ST7: variants seen among roughly 807,000 people sequenced by gnomAD.
ST7 encodes the protein suppressor of tumorigenicity 7 protein.
Under a neutral mutation model 78.7 loss-of-function variants are expected in ST7, and 28 were observed. The ratio of observed to expected loss-of-function variants is 0.36; its 90% CI spans 0.26 to 0.49. ST7 has a LOEUF of 0.49. Ranked by LOEUF, ST7 falls within the 20% of genes least tolerant of loss-of-function variation. ST7 has a pLI of 0.99. For missense variants in ST7, 418 were observed against 696.0 expected, an observed-to-expected ratio of 0.60 and a Z score of 4.49; for synonymous variants, 247 against 249.6, an observed-to-expected ratio of 0.99 and a Z score of 0.10.
At position 117,148,614 on chromosome 7, in the gene ST7, T is replaced by C. The variant is rs1394319103; in HGVS notation, c.963+10082T>C. Among the ~76,000 whole-genome samples the C allele has an allele frequency of 2.0e-5, 3 of 152,240 alleles. No homozygotes were observed. The East Asian group carries it at 5.8e-4, about 29-fold the overall frequency. On this transcript the variant is annotated intron_variant, in intron 9 of 15. Coordinates refer to ENST00000323984, the MANE Select transcript of ST7 (RefSeq NM_001369598.1). ...TTCCACTGATTCAACATTTTAAATT[T>C]CTGTTTTATTCTTCTGATATTCCCA...
At chr7:117,142,113 T>C (rs947500141) in intron 9 of ST7, among the ~76,000 whole-genome samples, 3 of 152,180 alleles carry the variant, frequency 2.0e-5, no homozygotes, top group African/African-American at 7.2e-5. Context: ...ATACAATTTC[T>C]TTTTTCCTTT....
chr7:117,109,874 A>G (rs1229669157), intron 2 of ST7, among the ~76,000 whole-genome samples: 1 of 152,248 alleles, frequency 6.6e-6, no homozygotes, highest in Non-Finnish European at 1.5e-5. Context: ...CCAGGGATGC[A>G]GGGATGGTTT....
At chr7:117,012,110 AT>A (rs1795409458) in intron 1 of ST7, among the ~76,000 whole-genome samples, 1 of 152,138 alleles carries the variant, frequency 6.6e-6, no homozygotes, top group Admixed American at 6.5e-5. Flanking sequence ...TGCCACTCTC[AT>A]TTTAAGCTAT....
At chr7:116,975,502 G>C (rs781477851) in intron 1 of ST7, among the ~76,000 whole-genome samples, 2 of 151,996 alleles carry the variant, frequency 1.3e-5, no homozygotes, top group Non-Finnish European at 2.9e-5. Flanking sequence ...CCACCTCCCG[G>C]GTTCAAGCGG....
rs141538242 is a variant in ST7 at position 117,222,070 on chromosome 7, T to C, written c.1638+8T>C. On this transcript the variant is annotated splice_region_variant and intron_variant, in intron 15 of 15. Coordinates refer to ENST00000323984, the MANE Select transcript of ST7 (RefSeq NM_001369598.1). ...GGGGTCTTCGCAAAAGCTGTGAGTG[T>C]TTGCCTAGAGGGAGGCCTTGGGGAA... 476 of 1,603,394 alleles carry C rather than the reference T, an allele frequency of 3.0e-4. 1 individual carries two copies. In the African/African-American group the frequency reaches 5.6e-3, roughly 19 times the overall value.
At position 117,168,024 on chromosome 7, in the gene ST7, T is replaced by C. The variant is rs556905999; in HGVS notation, c.964-2838T>C. Among the ~76,000 whole-genome samples the C allele has an allele frequency of 2.0e-4, 31 of 152,250 alleles. No homozygotes were observed. The South Asian group carries it at 6.2e-3, about 31-fold the overall frequency. On this transcript the variant is annotated intron_variant, in intron 9 of 15. Transcript: ENST00000323984. ...TTGTTTGAGGAGCCGGAAAGGGCAATGGAGGCAGCAGAGGGTTCACTTTTT... is the reference window on the plus strand; with the variant it reads ...TTGTTTGAGGAGCCGGAAAGGGCAACGGAGGCAGCAGAGGGTTCACTTTTT...
chr7:116,999,069 T>C (rs1048898332), intron 1 of ST7, among the ~76,000 whole-genome samples: 1 of 152,230 alleles, frequency 6.6e-6, no homozygotes, highest in Non-Finnish European at 1.5e-5. Flanking sequence ...GCAACCAGCC[T>C]AAGGTCCTAG....
intron 1 of ST7, among the ~76,000 whole-genome samples, chr7:117,029,594 C>CTA (rs1796370967): frequency 1.3e-5 from 2 of 151,994 alleles, no homozygotes; most frequent in Non-Finnish European, 2.9e-5. Flanking sequence ...TCCAGTTTAT[C>CTA]AATTTCTTCT....
At chr7:116,956,386 A>G (rs1357119496) in intron 1 of ST7, 1 of 441,214 alleles carries the variant, frequency 2.3e-6, no homozygotes, top group African/African-American at 2.0e-5. Flanking sequence ...GGGAGGTCTA[A>G]AAGAGTTCTA....
At chr7:117,024,396 C>T (rs1337738915) in intron 1 of ST7, among the ~76,000 whole-genome samples, 1 of 152,024 alleles carries the variant, frequency 6.6e-6, no homozygotes, top group Non-Finnish European at 1.5e-5. Context: ...CCTCTTGTCT[C>T]CTCTCCCATG....
Position 116,964,667 on chromosome 7 carries a change from T to A in ST7, c.151+10976T>A, listed in dbSNP as rs148399118. Among the ~76,000 whole-genome samples the A allele has an allele frequency of 3.5e-4, 53 of 152,362 alleles. No individual in the cohort carries two copies. The East Asian group carries it at 9.8e-3, about 28-fold the overall frequency. On this transcript the variant is annotated intron_variant, in intron 1 of 15. Transcript: ENST00000323984. The stretch of plus-strand genomic sequence containing the variant: ...AATTTTTGTCTTAGCTTATTTATGT[T>A]GCAGAAATATAATGTTTGGCCATTT...
Position 117,136,135 on chromosome 7 carries a change from A to G in ST7, c.765A>G (p.Glu255=). 1 of 1,613,626 alleles carries G rather than the reference A, an allele frequency of 6.2e-7. No homozygotes were observed. Among genetic ancestry groups the G allele is most frequent in the Non-Finnish European group, 8.5e-7 (1 of 1,179,668 alleles). The change falls in exon 8 of 16, where the codon GAA becomes GAG. Residue 255 remains glutamate, a synonymous_variant. Transcript: ENST00000323984. ...AAGAGGAAGCAACAACCATTGCTGA[A>G]GCAGAAAAATTATTTAAGCAGGCCC... is the stretch of plus-strand genomic sequence containing the variant. ...LAEEEATTIA[E]AEKLFKQALK...
At chr7:117,202,125 T>A (rs1810922519) in intron 12 of ST7, among the ~76,000 whole-genome samples, 7 of 80,382 alleles carry the variant, frequency 8.7e-5, no homozygotes, top group African/African-American at 2.7e-4. Context: ...TAAGCCCGGC[T>A]AATTTTTTTT....
At chr7:117,055,106 T>C (rs1338553519) in intron 1 of ST7, among the ~76,000 whole-genome samples, 1 of 152,238 alleles carries the variant, frequency 6.6e-6, no homozygotes, top group African/African-American at 2.4e-5. Context: ...TAATTCACTA[T>C]ACCAAGGATT....
chr7:117,063,906 G>A (rs1417811810), intron 1 of ST7, among the ~76,000 whole-genome samples: 1 of 152,032 alleles, frequency 6.6e-6, no homozygotes, highest in East Asian at 1.9e-4. Context: ...ATTCCCGACA[G>A]GCATTACTTA....
intron 1 of ST7, among the ~76,000 whole-genome samples, chr7:117,048,018 C>T (rs140058817): frequency 1.2e-4 from 18 of 152,120 alleles, no homozygotes; most frequent in African/African-American, 2.4e-4. Context: ...GGTCAATCAA[C>T]GCATATTTTG....
intron 14 of ST7, among the ~76,000 whole-genome samples, chr7:117,221,115 C>T (rs1167077386): frequency 2.6e-5 from 4 of 152,176 alleles, no homozygotes; most frequent in Admixed American, 2.0e-4. Context: ...TCTCAGGCAG[C>T]CTCATCATGA....
At chr7:117,013,085 A>C (rs562025671) in intron 1 of ST7, among the ~76,000 whole-genome samples, 5 of 152,368 alleles carry the variant, frequency 3.3e-5, no homozygotes, top group African/African-American at 9.6e-5. Flanking sequence ...TAATTAGATA[A>C]GTGCTTTAAA....
chr7:117,108,448 A>G (rs893347971), intron 2 of ST7, among the ~76,000 whole-genome samples: 3 of 152,146 alleles, frequency 2.0e-5, no homozygotes, highest in East Asian at 1.9e-4. Context: ...TCATAGGTCT[A>G]TATGCCTGTT....
Sources: allele counts gnomAD v4.1 joint callset (sites outside exome capture counted in the v4.1 genomes callset), GRCh38; gene constraint gnomAD v4.1.1; transcripts MANE v1.5; gene names NCBI Gene and HGNC (gene_info 2026-07-23, HGNC 2026-07-21).